Variants in DNER observed in about 807,000 individuals in gnomAD.
The protein encoded by DNER is delta and Notch-like epidermal growth factor-related receptor.
A neutral mutation model predicts 78.2 loss-of-function variants in DNER; 33 were observed. That is an observed-to-expected ratio of 0.42 (90% CI 0.32 to 0.56). The LOEUF (loss-of-function observed/expected upper bound fraction) is 0.56, where lower values mean the gene tolerates loss of function less well. DNER is among the 20% of genes least tolerant of loss of function. The probability of loss-of-function intolerance (pLI) is 0.11; values close to 1 mark genes in which losing one functional copy is unlikely to be tolerated. For synonymous variants in DNER, 417 were observed against 384.8 expected (o/e 1.08, Z -0.98); for missense variants, 918 against 975.3 (o/e 0.94, Z 0.78).
At chr2:229,414,358 C>T (rs1484134177) in intron 9 of DNER, among the ~76,000 whole-genome samples, 3 of 152,222 alleles carry the variant, frequency 2.0e-5, no homozygotes, top group African/African-American at 7.2e-5. Flanking sequence ...CGTCTACCTC[C>T]CAGGTTCAAG....
chr2:229,705,566 C>T (rs62193237), intron 1 of DNER, among the ~76,000 whole-genome samples: 2,292 of 152,236 alleles, frequency 0.015, 32 homozygotes, highest in Non-Finnish European at 0.024. Context: ...AAGTCACAAA[C>T]CATGGAGCAG....
intron 1 of DNER, among the ~76,000 whole-genome samples, chr2:229,600,433 T>C (rs61132486): frequency 0.013 from 1,926 of 152,162 alleles, 57 homozygotes; most frequent in African/African-American, 0.044. Flanking sequence ...TGGAAAGACT[T>C]CAAAAAAGAA....
intron 8 of DNER, 26 bp from the exon 9 acceptor site, chr2:229,418,256 T>G (rs1328086258): frequency 6.2e-7 from 1 of 1,613,238 alleles, no homozygotes; most frequent in Admixed American, 1.7e-5. Flanking sequence ...AAAGGCCCAC[T>G]GTCAAATGCA....
chr2:229,654,138 C>T (rs151000771), intron 1 of DNER, among the ~76,000 whole-genome samples: 2,573 of 152,062 alleles, frequency 0.017, 66 homozygotes, highest in African/African-American at 0.059. Context: ...CCACATGCCC[C>T]GGTGTGTGAT....
chr2:229,372,194 C>T (rs1692499009), intron 11 of DNER, among the ~76,000 whole-genome samples: 1 of 152,334 alleles, frequency 6.6e-6, no homozygotes, highest in Admixed American at 6.5e-5. Context: ...AAAGTAGGCT[C>T]ATGTAGTCCC....
chr2:229,483,564 G>T (rs1032429101), intron 6 of DNER, among the ~76,000 whole-genome samples: 1 of 152,162 alleles, frequency 6.6e-6, no homozygotes, highest in Non-Finnish European at 1.5e-5. Context: ...GAACCCATTG[G>T]GATGTTGAAC....
intron 7 of DNER, among the ~76,000 whole-genome samples, chr2:229,462,208 A>G (rs1353004256): frequency 6.6e-6 from 1 of 152,126 alleles, no homozygotes; most frequent in East Asian, 1.9e-4. Context: ...AGACCAAAAG[A>G]AAACATTTCT....
At chr2:229,385,885 G>A (rs1692853217) in intron 11 of DNER, among the ~76,000 whole-genome samples, 1 of 151,754 alleles carries the variant, frequency 6.6e-6, no homozygotes, top group Admixed American at 6.6e-5. Context: ...CATGAAAATG[G>A]CCATACTGCC....
Position 229,667,245 on chromosome 2 carries a change from T to C in DNER, c.276+46903A>G, listed in dbSNP as rs188502183. On this transcript the variant is annotated intron_variant, in intron 1 of 12. Transcript: ENST00000341772. ...GCGAGAGGGGCCCACCAGGCTTCAA[T>C]GGCAACAACATGCCCATGGGGTAAC... is the stretch of plus-strand genomic sequence containing the variant. Among the ~76,000 whole-genome samples, 290 of 152,290 alleles carry C rather than the reference T, an allele frequency of 1.9e-3. 1 individual carries two copies. The highest frequency in any genetic ancestry group is 6.6e-3 in the African/African-American group (276 of 41,552).
chr2:229,408,546 T>A (rs1014429910), intron 9 of DNER, among the ~76,000 whole-genome samples: 4 of 152,174 alleles, frequency 2.6e-5, no homozygotes, highest in Admixed American at 6.5e-5. Context: ...AAAATATGCA[T>A]AAAGCAAATA....
At position 229,576,328 on chromosome 2, in the gene DNER, CTTTTTTTTTTT is replaced by C. The variant is rs61419138; in HGVS notation, c.847+9519_847+9529del. ...AAAAGAATGATGAAAGTTTCTCTCT[CTTTTTTTTTTT>C]TTTTTTTTGGCATTTGATACTCTAA... On this transcript the variant is annotated intron_variant, in intron 4 of 12. Coordinates refer to ENST00000341772, the MANE Select transcript of DNER (RefSeq NM_139072.4). Among the ~76,000 whole-genome samples, 22 of 118,102 alleles carry C rather than the reference CTTTTTTTTTTT, an allele frequency of 1.9e-4. No homozygotes were observed. The East Asian group carries it at 4.6e-3, about 25-fold the overall frequency. 77.5% of individuals were successfully genotyped at this position (118,102 alleles called of 152,430 possible). A position where few individuals can be genotyped will look rare whatever the true frequency, so the allele number is the denominator to read the frequency against.
At chr2:229,487,194 C>T (rs1695294992) in intron 6 of DNER, among the ~76,000 whole-genome samples, 1 of 152,164 alleles carries the variant, frequency 6.6e-6, no homozygotes, top group Admixed American at 6.5e-5. Context: ...ATTATTGCAA[C>T]TGTCATTGCA....
intron 1 of DNER, among the ~76,000 whole-genome samples, chr2:229,629,973 C>T (rs1192758870): frequency 6.6e-6 from 1 of 152,202 alleles, no homozygotes; most frequent in African/African-American, 2.4e-5. Context: ...ATTAGGAGCA[C>T]ACAGAATGTG....
Position 229,388,377 on chromosome 2 carries a change from G to A in DNER, c.1743C>T (p.Asp581=). Residue 581 remains aspartate, a synonymous_variant, in exon 11 of 13, where the codon GAC becomes GAT. Coordinates refer to ENST00000341772, the MANE Select transcript of DNER (RefSeq NM_139072.4). The part of the protein sequence containing the change: ...PGFTGEECDI[D]INECDSNPCH... Reference sequence around the variant, plus strand: ...AGGGGTTACTGTCACATTCATTTATGTCAATGTCGCACTCTTCACCTAGGG... The same window carrying A: ...AGGGGTTACTGTCACATTCATTTATATCAATGTCGCACTCTTCACCTAGGG... 1 of 1,611,426 alleles carries A rather than the reference G, an allele frequency of 6.2e-7. No individual in the cohort carries two copies. The highest frequency in any genetic ancestry group is 8.5e-7 in the Non-Finnish European group (1 of 1,178,770).
intron 5 of DNER, among the ~76,000 whole-genome samples, chr2:229,538,019 A>G (rs1288046800): frequency 2.0e-5 from 3 of 152,360 alleles, no homozygotes; most frequent in Admixed American, 2.0e-4. Context: ...TATAATTCAA[A>G]CACAAGCCAA....
rs1007326907 is a variant in DNER at position 229,591,200 on chromosome 2, G to A, written c.585+380C>T. ...GTGTTGGTTATAAGCAACCCAGTTT[G>A]TGGCATTTTTGTTATAGCAGCCTTA... On this transcript the variant is annotated intron_variant, in intron 2 of 12. Transcript: ENST00000341772. This position sits in a 1 kb window ranked among gnomAD's most constrained non-coding sequence, Gnocchi z 4.6. Among the ~76,000 whole-genome samples the A allele has an allele frequency of 1.3e-5, 2 of 152,180 alleles. No homozygotes were observed. The highest frequency in any genetic ancestry group is 1.3e-4 in the Admixed American group (2 of 15,282).
At chr2:229,587,002 G>C in intron 3 of DNER, 2 of 985,350 alleles carry the variant, frequency 2.0e-6, no homozygotes, top group South Asian at 4.7e-5. Flanking sequence ...ATCTCACTTC[G>C]TCTGAGTCAG....
At chr2:229,689,039 C>CT (rs1267419111) in intron 1 of DNER, among the ~76,000 whole-genome samples, 1 of 152,160 alleles carries the variant, frequency 6.6e-6, no homozygotes, top group Non-Finnish European at 1.5e-5. Flanking sequence ...CTAACGCATA[C>CT]TGGGCTTAAT....
chr2:229,519,558 A>G (rs1332937658), intron 5 of DNER, among the ~76,000 whole-genome samples: 1 of 152,054 alleles, frequency 6.6e-6, no homozygotes, highest in African/African-American at 2.4e-5. Context: ...ACAGACTCAA[A>G]AAAGAGGTCA....
Sources: gnomAD v4.1 joint callset for allele counts (sites outside exome capture counted in the v4.1 genomes callset) on GRCh38, gnomAD v4.1.1 for gene constraint, Gnocchi (gnomAD v3.1) non-coding constraint, MANE v1.5 for transcripts, NCBI Gene and HGNC (gene_info 2026-07-23, HGNC 2026-07-21) for gene names.